Variants in MAP3K9 observed in about 807,000 individuals in gnomAD.
MAP3K9 encodes mixed lineage kinase 1 (tyr and ser/thr specificity).
Under a neutral mutation model 95.8 loss-of-function variants are expected in MAP3K9, and 46 were observed. The observed-to-expected ratio is 0.48, with a 90% confidence interval of 0.38 to 0.61. The LOEUF is 0.61. Ranked by LOEUF, MAP3K9 falls within the 20% of genes least tolerant of loss-of-function variation. The probability of loss-of-function intolerance (pLI) is 0.00; values close to 1 mark genes in which losing one functional copy is unlikely to be tolerated. For synonymous variants in MAP3K9, 533 were observed against 593.8 expected (o/e 0.90, Z 1.49); for missense variants, 1,296 against 1,474.3 (o/e 0.88, Z 1.98).
Position 70,739,424 on chromosome 14 carries a change from C to A in MAP3K9, c.1690+618G>T, listed in dbSNP as rs1382874235. Among the ~76,000 whole-genome samples, 7 of 152,062 alleles carry A rather than the reference C, an allele frequency of 4.6e-5. No individual in the cohort carries two copies. In the East Asian group the frequency reaches 9.6e-4, roughly 21 times the overall value. Reference sequence around the variant, plus strand: ...GGATTACAGGCATAAGCCACCATGCCCAGCCGAAATCTTGGATTTTTAAAT... The same window carrying A: ...GGATTACAGGCATAAGCCACCATGCACAGCCGAAATCTTGGATTTTTAAAT... On this transcript the variant is annotated intron_variant, in intron 7 of 11. Transcript: ENST00000554752.
At chr14:70,780,933 G>A (rs750327098) in intron 2 of MAP3K9, among the ~76,000 whole-genome samples, 4 of 152,218 alleles carry the variant, frequency 2.6e-5, no homozygotes, top group Admixed American at 6.5e-5. Flanking sequence ...GGGTGCAGCC[G>A]CCGCACAGGC....
Position 70,732,844 on chromosome 14 carries a change from T to C in MAP3K9, c.2525A>G (p.Glu842Gly). ...LTLLSLSSISECNSTRSLLRS... is the reference protein window; with the variant it reads ...LTLLSLSSISGCNSTRSLLRS... Reference sequence around the variant, plus strand: ...CAGCAGGGAGCGTGTGGAGTTGCACTCGGAGATGGAGGAGAGGGAGAGCAG... The same window carrying C: ...CAGCAGGGAGCGTGTGGAGTTGCACCCGGAGATGGAGGAGAGGGAGAGCAG... The change falls in exon 11 of 12, where the codon GAG becomes GGG. Residue 842 changes from glutamate to glycine, a missense_variant. By Grantham distance (98) the Glu-to-Gly change is moderately conservative. This residue lies in a region of MAP3K9 where 433 missense variants were observed against 441.4 expected (regional missense o/e 0.98). Transcript: ENST00000554752. The C allele has an allele frequency of 6.2e-7, 1 of 1,613,930 alleles. No homozygotes were observed. The highest frequency in any genetic ancestry group is 1.3e-5 in the African/African-American group (1 of 74,994).
chr14:70,796,169 C>T (rs796490419), intron 2 of MAP3K9, among the ~76,000 whole-genome samples: 16 of 152,330 alleles, frequency 1.1e-4, no homozygotes, highest in African/African-American at 3.8e-4. Flanking sequence ...AAAGGACAAC[C>T]TTTCCATTTA....
chr14:70,769,490 A>G (rs1674413928), intron 2 of MAP3K9, among the ~76,000 whole-genome samples: 1 of 152,194 alleles, frequency 6.6e-6, no homozygotes, highest in South Asian at 2.1e-4. Flanking sequence ...GTAGCCTCCT[A>G]GGGCTGCCAT....
intron 2 of MAP3K9, among the ~76,000 whole-genome samples, chr14:70,764,822 T>C (rs1393847011): frequency 6.6e-6 from 1 of 151,486 alleles, no homozygotes; most frequent in Non-Finnish European, 1.5e-5. Flanking sequence ...GCAGAGTGAG[T>C]GAGACCTCTC....
At chr14:70,741,820 G>A (rs1233493337) in intron 6 of MAP3K9, among the ~76,000 whole-genome samples, 2 of 152,124 alleles carry the variant, frequency 1.3e-5, no homozygotes, top group Non-Finnish European at 2.9e-5. Flanking sequence ...GGTGGCATGC[G>A]CCTGTAATCC....
At chr14:70,760,578 G>C (rs2139779379) in intron 3 of MAP3K9, among the ~76,000 whole-genome samples, 2 of 152,276 alleles carry the variant, frequency 1.3e-5, no homozygotes. Context: ...AGGAGCTTTA[G>C]AGTGAGGACA....
Position 70,803,337 on chromosome 14 carries a change from T to TAA in MAP3K9, c.407-2259_407-2258dup, listed in dbSNP as rs10583563. ...GAGGAAATAAACCAAATTCAGATCT[T>TAA]AAAAAAAAAAAAAAAAAAAAAAAAA... On this transcript the variant is annotated intron_variant, in intron 1 of 11. Transcript: ENST00000554752. 1.9e-3 allele frequency among the ~76,000 whole-genome samples: 142 copies of TAA among 75,168 alleles called. 1 individual carries two copies. The highest frequency in any genetic ancestry group is 6.2e-3 in the African/African-American group (112 of 17,934). 49.3% of individuals were successfully genotyped at this position (75,168 alleles called of 152,430 possible).
chr14:70,750,444 C>G (rs2054209280), intron 3 of MAP3K9, among the ~76,000 whole-genome samples: 1 of 152,072 alleles, frequency 6.6e-6, no homozygotes, highest in Non-Finnish European at 1.5e-5. Flanking sequence ...AATAAGTGCC[C>G]AATGGCCATA....
intron 6 of MAP3K9, 61 bp from the exon 7 acceptor site, chr14:70,740,225 A>G: frequency 6.5e-7 from 1 of 1,548,164 alleles, no homozygotes; most frequent in South Asian, 1.2e-5. Flanking sequence ...AATTCATATA[A>G]GAAATATGAC....
rs924152356 is a variant in MAP3K9 at position 70,728,646 on chromosome 14, C to G, written c.*1734G>C. 5.9e-5 allele frequency: 9 copies of G among 152,212 alleles called. No individual in the cohort carries two copies. Among genetic ancestry groups the G allele is most frequent in the African/African-American group, 2.2e-4 (9 of 41,436 alleles). The allele number at this position is 152,212 out of a possible 1,614,324, so 9.4% of individuals were successfully genotyped here. A position where few individuals can be genotyped will look rare whatever the true frequency, so the allele number is the denominator to read the frequency against. On this transcript the variant is annotated 3_prime_UTR_variant, in exon 12 of 12. Coordinates refer to ENST00000554752, the MANE Select transcript of MAP3K9 (RefSeq NM_001284230.2). Reference sequence around the variant, plus strand: ...ATAAAACCAGTAGCGCCTTCCCGTCCAAGACTTGGTGGGCCCCTTGAACCA... The same window carrying G: ...ATAAAACCAGTAGCGCCTTCCCGTCGAAGACTTGGTGGGCCCCTTGAACCA...
intron 9 of MAP3K9, 77 bp downstream of exon 9, chr14:70,735,884 G>A (rs1381116626): frequency 1.8e-6 from 2 of 1,112,500 alleles, no homozygotes; most frequent in Non-Finnish European, 2.8e-6. Flanking sequence ...GATTCTATGG[G>A]GTATGCTGTA....
At chr14:70,776,763 C>T (rs1228057518) in intron 2 of MAP3K9, among the ~76,000 whole-genome samples, 2 of 151,974 alleles carry the variant, frequency 1.3e-5, no homozygotes, top group African/African-American at 4.8e-5. Context: ...AAAAAAAAAT[C>T]CTCTCCCATC....
At position 70,734,369 on chromosome 14, in the gene MAP3K9, A is replaced by C; in HGVS notation, c.2026+17T>G. ...AGCAGGGAGACAGCCAAGACTCTCAAGAGGAGCTATGCTTACCCATCTCCA... is the reference window on the plus strand; with the variant it reads ...AGCAGGGAGACAGCCAAGACTCTCACGAGGAGCTATGCTTACCCATCTCCA... On this transcript the variant is annotated intron_variant, in intron 10 of 11. Coordinates refer to ENST00000554752, the MANE Select transcript of MAP3K9 (RefSeq NM_001284230.2). The C allele has an allele frequency of 6.4e-7, 1 of 1,571,436 alleles. No individual in the cohort carries two copies. Among genetic ancestry groups the C allele is most frequent in the Non-Finnish European group, 8.8e-7 (1 of 1,140,964 alleles).
intron 8 of MAP3K9, 50 bp downstream of exon 8, chr14:70,738,194 TG>T (rs748458049): frequency 3.3e-6 from 5 of 1,518,090 alleles, no homozygotes; most frequent in Non-Finnish European, 4.4e-6. Context: ...TATGTTTAAA[TG>T]GTACATCCAT....
intron 2 of MAP3K9, among the ~76,000 whole-genome samples, chr14:70,779,807 T>A (rs2054650014): frequency 6.6e-6 from 1 of 152,220 alleles, no homozygotes; most frequent in Non-Finnish European, 1.5e-5. Context: ...CCAACGCGGC[T>A]CAGTCCTGCA....
intron 1 of MAP3K9, among the ~76,000 whole-genome samples, chr14:70,801,948 G>A (rs1039573298): frequency 3.3e-5 from 5 of 152,216 alleles, no homozygotes; most frequent in African/African-American, 7.2e-5. Flanking sequence ...GATTGGAGAC[G>A]AGGCTCAAAG....
At chr14:70,785,583 A>G (rs1394783165) in intron 2 of MAP3K9, among the ~76,000 whole-genome samples, 1 of 152,160 alleles carries the variant, frequency 6.6e-6, no homozygotes, top group Non-Finnish European at 1.5e-5. Flanking sequence ...TGCGCGGTAG[A>G]TGACATAGGC....
chr14:70,809,363 G>A lies in MAP3K9; in HGVS notation c.-192C>T. On this transcript the variant is annotated 5_prime_UTR_variant, in exon 1 of 12. Coordinates refer to ENST00000554752, the MANE Select transcript of MAP3K9 (RefSeq NM_001284230.2). ...CCGCGGTACGAGAAGAGCGCCGAGC[G>A]CGAGCTCTTCGCGCAGCCTAGGGGC... 1 of 668,304 alleles carries A rather than the reference G, an allele frequency of 1.5e-6. No homozygotes were observed. Among genetic ancestry groups the A allele is most frequent in the Non-Finnish European group, 2.1e-6 (1 of 475,236 alleles). The allele number at this position is 668,304 out of a possible 1,614,324, so 41.4% of individuals were successfully genotyped here. A position where few individuals can be genotyped will look rare whatever the true frequency, so the allele number is the denominator to read the frequency against.
Sources: gnomAD v4.1 joint callset for allele counts (sites outside exome capture counted in the v4.1 genomes callset) on GRCh38, gnomAD v4.1.1 for gene constraint, gnomAD v4.1.1 regional missense constraint, MANE v1.5 for transcripts, NCBI Gene and HGNC (gene_info 2026-07-23, HGNC 2026-07-21) for gene names.